Variants in ACTR3 observed in about 807,000 individuals in gnomAD.
The protein encoded by ACTR3 is actin related protein 3, also known as actin-related protein 3.
A neutral mutation model predicts 56.8 loss-of-function variants in ACTR3; 12 were observed. The ratio of observed to expected loss-of-function variants is 0.21; its 90% CI spans 0.14 to 0.34. The LOEUF (loss-of-function observed/expected upper bound fraction) is 0.34. ACTR3 is among the 10% of genes least tolerant of loss of function. The probability of loss-of-function intolerance (pLI) is 1.00; values close to 1 mark genes in which losing one functional copy is unlikely to be tolerated. For synonymous variants in ACTR3, 162 were observed against 167.4 expected, an observed-to-expected ratio of 0.97 and a Z score of 0.25; for missense variants, 282 against 512.5, an observed-to-expected ratio of 0.55 and a Z score of 4.34.
chr2:113,921,854 T>A (rs1164652087), intron 3 of ACTR3, among the ~76,000 whole-genome samples: 1 of 152,174 alleles, frequency 6.6e-6, no homozygotes, highest in East Asian at 1.9e-4. Context: ...TCAGTTACCT[T>A]AGACGGGTTG....
At chr2:113,908,051 T>A (rs1375320131) in intron 1 of ACTR3, among the ~76,000 whole-genome samples, 1 of 151,782 alleles carries the variant, frequency 6.6e-6, no homozygotes, top group Non-Finnish European at 1.5e-5. Context: ...ACATCATTAT[T>A]CTTTAGAGAG....
chr2:113,943,374 G>A (rs1171256181), intron 8 of ACTR3, among the ~76,000 whole-genome samples: 3 of 152,198 alleles, frequency 2.0e-5, no homozygotes, highest in Non-Finnish European at 4.4e-5. Flanking sequence ...GAGGGATCCA[G>A]ATAGGTATTC....
chr2:113,921,687 CTT>C (rs1679514446), intron 3 of ACTR3, among the ~76,000 whole-genome samples: 1 of 152,106 alleles, frequency 6.6e-6, no homozygotes, highest in Non-Finnish European at 1.5e-5. Flanking sequence ...AGGAGAAACA[CTT>C]TTGACTGGGT....
chr2:113,957,459 T>A lies in ACTR3; in HGVS notation c.*4T>A, dbSNP rs1190711048. 1.9e-6 allele frequency: 3 copies of A among 1,611,214 alleles called. No individual in the cohort carries two copies. The highest frequency in any genetic ancestry group is 3.3e-5 in the Admixed American group (2 of 59,912). On this transcript the variant is annotated 3_prime_UTR_variant, in exon 12 of 12. Coordinates refer to ENST00000263238, the MANE Select transcript of ACTR3 (RefSeq NM_005721.5). The stretch of plus-strand genomic sequence containing the variant: ...AGTGTTTGGAGTCATGTCGTAAAAT[T>A]GGCTTCATAGTTATTGGGGTTAGGG...
At position 113,918,334 on chromosome 2, in the gene ACTR3, C is replaced by T. The variant is rs530764795; in HGVS notation, c.225+1326C>T. 2.0e-5 allele frequency among the ~76,000 whole-genome samples: 3 copies of T among 150,950 alleles called. No homozygotes were observed. The South Asian group carries it at 6.3e-4, about 32-fold the overall frequency. ...TAACCTTTCTGAATTTTGATTTCTT[C>T]GTCTGTAAAATGGAGATATTATTAG... On this transcript the variant is annotated intron_variant, in intron 3 of 11. Coordinates refer to ENST00000263238, the MANE Select transcript of ACTR3 (RefSeq NM_005721.5).
chr2:113,925,146 C>T (rs998936275), intron 3 of ACTR3, among the ~76,000 whole-genome samples: 9 of 150,980 alleles, frequency 6.0e-5, no homozygotes, highest in African/African-American at 2.2e-4. Context: ...ATCCACCCAC[C>T]TCAACCTCCC....
rs1328844786 is a variant in ACTR3 at position 113,959,750 on chromosome 2, GAACTAAATAGTCTGT to G, written c.*2299_*2313del. 1.3e-5 allele frequency: 2 copies of G among 151,996 alleles called. No individual in the cohort carries two copies. Among genetic ancestry groups the G allele is most frequent in the East Asian group, 3.9e-4 (2 of 5,188 alleles). The allele number at this position is 151,996 out of a possible 1,614,324, so 9.4% of individuals were successfully genotyped here. A position where few individuals can be genotyped will look rare whatever the true frequency, so the allele number is the denominator to read the frequency against. On this transcript the variant is annotated 3_prime_UTR_variant, in exon 12 of 12. Transcript: ENST00000263238. ...GAAATATGTAGAGGTTGGCCAAGGT[GAACTAAATAGTCTGT>G]AACATTGATTAGATATCAAGCAACG...
At chr2:113,889,978 A>C (rs144410131), upstream of ACTR3, 3 of 527,496 alleles carry the variant, frequency 5.7e-6, no homozygotes, top group African/African-American at 4.0e-5. Context: ...TTCCCGGGGA[A>C]AGGCGGCGTG....
At chr2:113,927,527 C>T in intron 4 of ACTR3, 72 bp downstream of exon 4, 2 of 908,122 alleles carry the variant, frequency 2.2e-6, no homozygotes, top group East Asian at 5.0e-5. Flanking sequence ...CATCATACTT[C>T]TTTGGTATAC....
At chr2:113,893,952 C>T (rs1025447906) in intron 1 of ACTR3, among the ~76,000 whole-genome samples, 2 of 152,004 alleles carry the variant, frequency 1.3e-5, no homozygotes, top group African/African-American at 4.8e-5. Context: ...CTTGTGGCCA[C>T]AATTCAGCAA....
chr2:113,956,503 T>C lies in ACTR3; in HGVS notation c.1161+797T>C, dbSNP rs535416039. ...ATTTAGTCATCAGAAGGTCCTTGTT[T>C]GTTCTGTTTAAGTATTTAAAAACAT... On this transcript the variant is annotated intron_variant, in intron 11 of 11. Coordinates refer to ENST00000263238, the MANE Select transcript of ACTR3 (RefSeq NM_005721.5). Among the ~76,000 whole-genome samples, 3 of 152,036 alleles carry C rather than the reference T, an allele frequency of 2.0e-5. No individual in the cohort carries two copies. The South Asian group carries it at 6.2e-4, about 32-fold the overall frequency.
chr2:113,933,638 G>A (rs1559479559), intron 5 of ACTR3, among the ~76,000 whole-genome samples: 6 of 150,348 alleles, frequency 4.0e-5, no homozygotes, highest in Admixed American at 3.9e-4. Context: ...GCCAGCCCAC[G>A]TGGACATAGT....
intron 8 of ACTR3, among the ~76,000 whole-genome samples, chr2:113,948,299 G>A (rs575465040): frequency 4.6e-5 from 7 of 152,164 alleles, no homozygotes; most frequent in Admixed American, 3.9e-4. Flanking sequence ...ACAGGTATGT[G>A]CCACCACTTC....
At chr2:113,955,911 C>A (rs1680203006) in intron 11 of ACTR3, among the ~76,000 whole-genome samples, 2 of 152,006 alleles carry the variant, frequency 1.3e-5, no homozygotes, top group Admixed American at 1.3e-4. Flanking sequence ...CCACACCTGG[C>A]TAATTTTGCA....
intron 3 of ACTR3, among the ~76,000 whole-genome samples, chr2:113,926,261 A>G (rs1679618019): frequency 6.6e-6 from 1 of 152,232 alleles, no homozygotes; most frequent in South Asian, 2.1e-4. Flanking sequence ...AATGTCATTG[A>G]AAGGAATATA....
intron 10 of ACTR3, chr2:113,952,621 T>A (rs1433300856): frequency 6.6e-6 from 1 of 152,114 alleles, no homozygotes; most frequent in African/African-American, 2.4e-5. Context: ...GGTTTGCTGA[T>A]TGTTGAGAAA....
In ACTR3 at chr2:113,961,437, A is replaced by G. The variant is rs767350649; in HGVS notation, c.*3982A>G. Reference sequence around the variant, plus strand: ...AACTGAAAAACCTGAAAGAAAAAAAATGAAAGATTAAAAGTATACGATATT... The same window carrying G: ...AACTGAAAAACCTGAAAGAAAAAAAGTGAAAGATTAAAAGTATACGATATT... On this transcript the variant is annotated 3_prime_UTR_variant, in exon 12 of 12. Transcript: ENST00000263238. 3.3e-5 allele frequency: 5 copies of G among 152,062 alleles called. No individual in the cohort carries two copies. The highest frequency in any genetic ancestry group is 1.2e-4 in the African/African-American group (5 of 41,458). The allele number at this position is 152,062 out of a possible 1,614,324, so 9.4% of individuals were successfully genotyped here. A position where few individuals can be genotyped will look rare whatever the true frequency, so the allele number is the denominator to read the frequency against.
intron 8 of ACTR3, chr2:113,950,769 T>A (rs1680106146): frequency 6.6e-6 from 1 of 152,236 alleles, no homozygotes; most frequent in Admixed American, 6.5e-5. Context: ...ATTAGCTATT[T>A]GTATTAGTCC....
At position 113,934,281 on chromosome 2, in the gene ACTR3, T is replaced by C. The variant is rs957252858; in HGVS notation, c.435T>C (p.Ala145=). Residue 145 remains alanine, a splice_region_variant and synonymous_variant, in exon 6 of 12, where the codon GCT becomes GCC. Transcript: ENST00000263238. ...NVPGLYIAVQ[A]VLALAASWTS... Reference sequence around the variant, plus strand: ...TTTCTTCTTTCTTTGTGCTCAAGGCTGTTCTTGCCTTAGCTGCATCTTGGA... The same window carrying C: ...TTTCTTCTTTCTTTGTGCTCAAGGCCGTTCTTGCCTTAGCTGCATCTTGGA... The C allele has an allele frequency of 6.3e-7, 1 of 1,585,610 alleles. No homozygotes were observed. Among genetic ancestry groups the C allele is most frequent in the African/African-American group, 1.4e-5 (1 of 72,950 alleles).
Sources: allele counts gnomAD v4.1 joint callset (sites outside exome capture counted in the v4.1 genomes callset), GRCh38; gene constraint gnomAD v4.1.1; transcripts MANE v1.5; gene names NCBI Gene and HGNC (gene_info 2026-07-23, HGNC 2026-07-21).